RANBP17: variants seen among roughly 807,000 people sequenced by gnomAD.
RANBP17 encodes ran-binding protein 17.
RANBP17 carries 158 observed loss-of-function variants against 141.2 expected under a neutral mutation model. The observed-to-expected ratio is 1.12, with a 90% CI of 0.98 to 1.28. The LOEUF is 1.28. Ranked by LOEUF, RANBP17 falls within the 50% of genes most tolerant of loss-of-function variation. RANBP17 has a pLI of 0.00. For synonymous variants in RANBP17, 430 were observed against 450.0 expected, an observed-to-expected ratio of 0.96 and a Z score of 0.56; for missense variants, 1,438 against 1,290.7, an observed-to-expected ratio of 1.11 and a Z score of -1.75.
chr5:170,975,347 G>C (rs1223445315), intron 14 of RANBP17, among the ~76,000 whole-genome samples: 1 of 151,986 alleles, frequency 6.6e-6, no homozygotes, highest in Admixed American at 6.6e-5. Flanking sequence ...TGACCAATAT[G>C]GTGAAACACT....
chr5:171,147,980 G>A (rs1435560758), intron 14 of RANBP17, among the ~76,000 whole-genome samples: 1 of 152,166 alleles, frequency 6.6e-6, no homozygotes, highest in Non-Finnish European at 1.5e-5. Flanking sequence ...TTGAGAAATC[G>A]GATGGTTGCC....
At chr5:171,019,116 C>T (rs909255132) in intron 14 of RANBP17, among the ~76,000 whole-genome samples, 2 of 152,074 alleles carry the variant, frequency 1.3e-5, no homozygotes, top group African/African-American at 2.4e-5. Context: ...CTGACTTGAT[C>T]GTGGTGGATA....
intron 1 of RANBP17, among the ~76,000 whole-genome samples, chr5:170,875,159 A>G (rs1213835771): frequency 6.6e-6 from 1 of 151,798 alleles, no homozygotes; most frequent in East Asian, 1.9e-4. Flanking sequence ...ATTGGCCCCC[A>G]CTCTCTTCTG....
chr5:170,915,529 T>G (rs901841340), intron 8 of RANBP17, among the ~76,000 whole-genome samples: 2 of 152,166 alleles, frequency 1.3e-5, no homozygotes, highest in Admixed American at 1.3e-4. Context: ...GTTTTTGTTT[T>G]TGTTTTTAAT....
At chr5:171,179,568 T>A (rs181509562) in intron 16 of RANBP17, among the ~76,000 whole-genome samples, 176 of 152,344 alleles carry the variant, frequency 1.2e-3, no homozygotes, top group African/African-American at 4.1e-3. Flanking sequence ...TGAACATGTA[T>A]GACTTTTAAA....
chr5:170,920,558 C>A (rs1451434981), intron 11 of RANBP17, among the ~76,000 whole-genome samples: 2 of 149,822 alleles, frequency 1.3e-5, no homozygotes, highest in African/African-American at 4.9e-5. Flanking sequence ...GTATTTTCTT[C>A]ACAAGTCTTT....
chr5:170,925,987 G>C (rs1370273411), intron 12 of RANBP17, among the ~76,000 whole-genome samples: 1 of 152,084 alleles, frequency 6.6e-6, no homozygotes, highest in Non-Finnish European at 1.5e-5. Context: ...AATAAAATCA[G>C]TGCTCCTTAA....
intron 18 of RANBP17, among the ~76,000 whole-genome samples, chr5:171,193,020 T>G (rs1581833573): frequency 6.6e-6 from 1 of 152,364 alleles, no homozygotes; most frequent in East Asian, 1.9e-4. Context: ...CATTGGGAAA[T>G]AGCAGATGAT....
intron 27 of RANBP17, among the ~76,000 whole-genome samples, chr5:171,296,793 G>A (rs1246111200): frequency 5.3e-5 from 8 of 152,166 alleles, no homozygotes; most frequent in Non-Finnish European, 1.2e-4. Flanking sequence ...CGTGCCTGTA[G>A]TCCCAGCTAC....
At chr5:171,120,395 C>CTATTCTACT (rs1256210563) in intron 14 of RANBP17, among the ~76,000 whole-genome samples, 1 of 152,246 alleles carries the variant, frequency 6.6e-6, no homozygotes, top group Non-Finnish European at 1.5e-5. Flanking sequence ...ACCTGCTATT[C>CTATTCTACT]TATTCTACTG....
intron 14 of RANBP17, among the ~76,000 whole-genome samples, chr5:171,061,450 G>C (rs1393749575): frequency 6.6e-6 from 1 of 151,926 alleles, no homozygotes; most frequent in Non-Finnish European, 1.5e-5. Flanking sequence ...AGGTTGTTCA[G>C]TTTCCATGTA....
intron 14 of RANBP17, among the ~76,000 whole-genome samples, chr5:171,117,740 G>A (rs1260695188): frequency 1.3e-5 from 2 of 151,932 alleles, no homozygotes; most frequent in African/African-American, 4.8e-5. Flanking sequence ...TGATCCACCC[G>A]CCTCAGCCTC....
intron 22 of RANBP17, among the ~76,000 whole-genome samples, chr5:171,224,712 A>G (rs1411897015): frequency 6.6e-6 from 1 of 152,206 alleles, no homozygotes; most frequent in Non-Finnish European, 1.5e-5. Flanking sequence ...CGTCCAGAGC[A>G]TTCTTGCAAA....
intron 18 of RANBP17, among the ~76,000 whole-genome samples, chr5:171,189,765 C>G (rs1761503811): frequency 6.6e-6 from 1 of 152,160 alleles, no homozygotes; most frequent in South Asian, 2.1e-4. Context: ...TTGTTGAACA[C>G]AGTTTTTATT....
At chr5:171,047,592 C>T (rs896756683) in intron 14 of RANBP17, among the ~76,000 whole-genome samples, 1 of 151,684 alleles carries the variant, frequency 6.6e-6, no homozygotes, top group African/African-American at 2.4e-5. Flanking sequence ...AGGCGCATGC[C>T]ACCACATCAG....
chr5:171,265,924 G>A (rs1766642937), intron 25 of RANBP17, 77 bp downstream of exon 25: 8 of 1,364,784 alleles, frequency 5.9e-6, no homozygotes, highest in Non-Finnish European at 8.1e-6. Flanking sequence ...TTATCTTAGA[G>A]CAGCTGGTCT....
At chr5:171,186,686 G>A (rs1226275055) in intron 18 of RANBP17, among the ~76,000 whole-genome samples, 3 of 149,246 alleles carry the variant, frequency 2.0e-5, no homozygotes, top group African/African-American at 7.4e-5. Context: ...ACAGGCGCCC[G>A]CCACTACGCC....
At chr5:170,952,929 A>G (rs1230822045) in intron 12 of RANBP17, among the ~76,000 whole-genome samples, 1 of 152,070 alleles carries the variant, frequency 6.6e-6, no homozygotes, top group African/African-American at 2.4e-5. Flanking sequence ...CTGCCCCCAA[A>G]GTAAGATTTA....
chr5:171,041,321 G>A (rs1030873090), intron 14 of RANBP17, among the ~76,000 whole-genome samples: 6 of 151,892 alleles, frequency 4.0e-5, no homozygotes, highest in African/African-American at 1.5e-4. Context: ...CATTGTTTTT[G>A]ATCATCTCAG....
Sources: allele counts gnomAD v4.1 joint callset (sites outside exome capture counted in the v4.1 genomes callset), GRCh38; gene constraint gnomAD v4.1.1; transcripts MANE v1.5; gene names NCBI Gene and HGNC (gene_info 2026-07-23, HGNC 2026-07-21).